The following RBFOX1 variants were observed in gnomAD, a reference collection of about 807,000 sequenced individuals.
RBFOX1 encodes the protein RNA binding protein fox-1 homolog 1.
RBFOX1 carries 8 observed loss-of-function variants against 57.7 expected under a neutral mutation model. The ratio of observed to expected loss-of-function variants is 0.14; its 90% confidence interval spans 0.08 to 0.25. The LOEUF (loss-of-function observed/expected upper bound fraction) is 0.25, where lower values mean the gene tolerates loss of function less well. RBFOX1 is among the 10% of genes least tolerant of loss of function. The pLI is 1.00. For synonymous variants in RBFOX1, 326 were observed against 222.4 expected (o/e 1.47, Z -4.15); for missense variants, 611 against 548.5 (o/e 1.11, Z -1.14).
intron 3 of RBFOX1, among the ~76,000 whole-genome samples, chr16:6,694,900 G>C (rs11077071): frequency 6.6e-6 from 1 of 151,692 alleles, no homozygotes; most frequent in Admixed American, 6.6e-5. Context: ...GACAGCATGC[G>C]TGGTAAACAG....
intron 3 of RBFOX1, among the ~76,000 whole-genome samples, chr16:6,831,910 A>T (rs757750813): frequency 3.3e-5 from 5 of 152,224 alleles, no homozygotes; most frequent in Non-Finnish European, 5.9e-5. Flanking sequence ...ACTTCTGACG[A>T]AGAACTTACA....
intron 2 of RBFOX1, among the ~76,000 whole-genome samples, chr16:6,521,546 C>A (rs1001925207): frequency 8.2e-5 from 12 of 145,748 alleles, no homozygotes; most frequent in African/African-American, 3.3e-4. Context: ...CTCCTCTCCT[C>A]TCCTTCCCTC....
At chr16:6,564,339 A>AT (rs1264730720) in intron 2 of RBFOX1, among the ~76,000 whole-genome samples, 1 of 152,182 alleles carries the variant, frequency 6.6e-6, no homozygotes, top group Non-Finnish European at 1.5e-5. Flanking sequence ...TTATTCAGCT[A>AT]TAAAAAGAAG....
At chr16:5,784,620 C>T (rs1203877333) in intron 3 of RBFOX1, among the ~76,000 whole-genome samples, 6 of 152,150 alleles carry the variant, frequency 3.9e-5, no homozygotes, top group African/African-American at 1.4e-4. Flanking sequence ...TCCCATCTGG[C>T]CCCACCTCCA....
chr16:6,581,120 G>T (rs2097531479), intron 2 of RBFOX1, among the ~76,000 whole-genome samples: 1 of 151,940 alleles, frequency 6.6e-6, no homozygotes, highest in South Asian at 2.1e-4. Flanking sequence ...TATACTCTAA[G>T]TGCCAGGTAG....
intron 3 of RBFOX1, among the ~76,000 whole-genome samples, chr16:6,852,528 G>A (rs572326481): frequency 6.6e-6 from 1 of 152,252 alleles, no homozygotes; most frequent in African/African-American, 2.4e-5. Context: ...TTGTGTCTCA[G>A]AAATTAACTT....
chr16:7,650,056 G>A (rs968677131), intron 11 of RBFOX1, among the ~76,000 whole-genome samples: 1 of 149,826 alleles, frequency 6.7e-6, no homozygotes, highest in African/African-American at 2.5e-5. Flanking sequence ...AGGGAGGGAA[G>A]ACAAAAGGAA....
intron 3 of RBFOX1, among the ~76,000 whole-genome samples, chr16:5,655,224 G>C (rs909664901): frequency 6.6e-6 from 1 of 152,230 alleles, no homozygotes; most frequent in Non-Finnish European, 1.5e-5. Context: ...TGGAAATCAG[G>C]CTTGTGATAA....
chr16:6,635,408 G>C (rs990585493), intron 2 of RBFOX1, among the ~76,000 whole-genome samples: 2 of 152,054 alleles, frequency 1.3e-5, no homozygotes, highest in Admixed American at 1.3e-4. Flanking sequence ...ATCCATGCAG[G>C]ACCAAAGACT....
At chr16:7,312,964 C>A (rs113768555) in intron 4 of RBFOX1, among the ~76,000 whole-genome samples, 4,018 of 151,966 alleles carry the variant, frequency 0.026, 200 homozygotes, top group African/African-American at 0.092. Context: ...TGGGAGGGTA[C>A]CCTAGTTTCA....
chr16:6,227,333 G>A (rs1016193336), intron 1 of RBFOX1, among the ~76,000 whole-genome samples: 1 of 152,070 alleles, frequency 6.6e-6, no homozygotes, highest in Non-Finnish European at 1.5e-5. Context: ...ATGTGTTGCC[G>A]GTGCTGCAGG....
At chr16:5,897,097 G>C (rs1323006525) in intron 4 of RBFOX1, among the ~76,000 whole-genome samples, 2 of 139,264 alleles carry the variant, frequency 1.4e-5, no homozygotes, top group East Asian at 4.2e-4. Context: ...CTGCAGTGGC[G>C]CAATCTCGGC....
chr16:6,174,612 A>C (rs2096989268), intron 1 of RBFOX1, among the ~76,000 whole-genome samples: 1 of 152,156 alleles, frequency 6.6e-6, no homozygotes, highest in Admixed American at 6.5e-5. Flanking sequence ...TAAAAATAAA[A>C]ATAAAAAAAT....
chr16:6,969,916 TGTCA>T (rs2085150394), intron 3 of RBFOX1, among the ~76,000 whole-genome samples: 1 of 152,146 alleles, frequency 6.6e-6, no homozygotes, highest in East Asian at 1.9e-4. Context: ...TTCAGTAGTC[TGTCA>T]TAGATTTCCC....
chr16:5,588,048 T>A (rs1030655856), intron 2 of RBFOX1, among the ~76,000 whole-genome samples: 6 of 152,262 alleles, frequency 3.9e-5, no homozygotes, highest in Non-Finnish European at 8.8e-5. Flanking sequence ...GCATCCCTGA[T>A]GCCTGCTGTA....
chr16:5,751,364 G>A (rs776885749), intron 3 of RBFOX1, among the ~76,000 whole-genome samples: 3 of 152,050 alleles, frequency 2.0e-5, no homozygotes, highest in East Asian at 1.9e-4. Flanking sequence ...TTTTTCTCTC[G>A]GGGAGCTTTC....
At chr16:6,893,662 G>A (rs1273992615) in intron 3 of RBFOX1, among the ~76,000 whole-genome samples, 1 of 152,162 alleles carries the variant, frequency 6.6e-6, no homozygotes, top group Admixed American at 6.5e-5. Flanking sequence ...ATTGGCCAGA[G>A]AAGCCCAGAA....
chr16:7,656,100 T>C (rs762705569), intron 12 of RBFOX1, among the ~76,000 whole-genome samples: 2 of 152,182 alleles, frequency 1.3e-5, no homozygotes, highest in Non-Finnish European at 2.9e-5. Context: ...TTGCTGATAA[T>C]AGTATGGCTG....
intron 4 of RBFOX1, among the ~76,000 whole-genome samples, chr16:5,898,598 C>G (rs1408735078): frequency 1.3e-5 from 2 of 150,672 alleles, no homozygotes; most frequent in Non-Finnish European, 2.9e-5. Flanking sequence ...ATTCTATTGT[C>G]AAGTCTGTTT....
Sources: gnomAD v4.1 joint callset for allele counts (sites outside exome capture counted in the v4.1 genomes callset) on GRCh38, gnomAD v4.1.1 for gene constraint, MANE v1.5 for transcripts, NCBI Gene and HGNC (gene_info 2026-07-23, HGNC 2026-07-21) for gene names.